The following SPAG16 variants were observed in gnomAD, a reference collection of about 807,000 sequenced individuals.
SPAG16 encodes the protein sperm associated antigen 16.
SPAG16 carries 86 observed loss-of-function variants against 80.4 expected under a neutral mutation model. That is an observed-to-expected ratio of 1.07 (90% confidence interval 0.90 to 1.28). The LOEUF (loss-of-function observed/expected upper bound fraction) is 1.28. Among genes scored for constraint, SPAG16 ranks in the 50% most tolerant of loss-of-function variants. The pLI, the probability that SPAG16 is intolerant of heterozygous loss-of-function variation, is 0.00. For synonymous variants in SPAG16, 294 were observed against 265.9 expected, an observed-to-expected ratio of 1.11 and a Z score of -1.03; for missense variants, 870 against 765.3, an observed-to-expected ratio of 1.14 and a Z score of -1.61.
chr2:214,216,655 A>G (rs138874174), intron 15 of SPAG16, among the ~76,000 whole-genome samples: 274 of 152,376 alleles, frequency 1.8e-3, no homozygotes, highest in African/African-American at 6.3e-3. Context: ...CTTGGAGCAC[A>G]GTACATTTTT....
chr2:213,544,166 C>T (rs2076540994), intron 10 of SPAG16, among the ~76,000 whole-genome samples: 2 of 151,702 alleles, frequency 1.3e-5, no homozygotes, highest in South Asian at 4.2e-4. Context: ...TATATGGTCC[C>T]ACTCTCTGAA....
chr2:214,179,820 T>A (rs2057252011), intron 15 of SPAG16, among the ~76,000 whole-genome samples: 1 of 151,556 alleles, frequency 6.6e-6, no homozygotes, highest in African/African-American at 2.4e-5. Context: ...TTAAATTTAA[T>A]TTCAAATCAT....
chr2:213,626,641 A>ATTTTTTTT (rs10582370), intron 10 of SPAG16, among the ~76,000 whole-genome samples: 6 of 98,982 alleles, frequency 6.1e-5, no homozygotes, highest in Non-Finnish European at 7.8e-5. Flanking sequence ...ATCGGGCTCA[A>ATTTTTTTT]TTTTTTTTTT....
At chr2:213,723,702 T>C (rs758993455) in intron 10 of SPAG16, among the ~76,000 whole-genome samples, 2 of 152,198 alleles carry the variant, frequency 1.3e-5, no homozygotes, top group Non-Finnish European at 2.9e-5. Flanking sequence ...CTAATAGAGA[T>C]TTTTAGGTTA....
At chr2:213,474,726 T>C (rs1474946418) in intron 9 of SPAG16, among the ~76,000 whole-genome samples, 1 of 152,180 alleles carries the variant, frequency 6.6e-6, no homozygotes, top group Non-Finnish European at 1.5e-5. Context: ...TCTGTTCCTC[T>C]AGAACCACTC....
At chr2:213,700,459 T>C (rs995281798) in intron 10 of SPAG16, among the ~76,000 whole-genome samples, 2 of 152,310 alleles carry the variant, frequency 1.3e-5, no homozygotes, top group East Asian at 1.9e-4. Context: ...ATGATGAATA[T>C]TACAATTTCT....
intron 15 of SPAG16, among the ~76,000 whole-genome samples, chr2:214,173,559 G>A (rs534812414): frequency 9.2e-5 from 14 of 152,078 alleles, no homozygotes; most frequent in Middle Eastern, 3.4e-3. Flanking sequence ...CCAATAACAG[G>A]CTCTGAAATT....
chr2:214,159,141 A>C (rs1285486042), intron 15 of SPAG16, among the ~76,000 whole-genome samples: 1 of 152,004 alleles, frequency 6.6e-6, no homozygotes, highest in Non-Finnish European at 1.5e-5. Context: ...TTACATGTAT[A>C]GGCTGGCATA....
intron 15 of SPAG16, among the ~76,000 whole-genome samples, chr2:214,213,075 G>T (rs1321312718): frequency 6.6e-6 from 1 of 152,212 alleles, no homozygotes; most frequent in Non-Finnish European, 1.5e-5. Flanking sequence ...AGACTCAGCT[G>T]CTTCTTATCC....
chr2:213,704,977 G>A (rs1177576070), intron 10 of SPAG16, among the ~76,000 whole-genome samples: 1 of 152,204 alleles, frequency 6.6e-6, no homozygotes, highest in Non-Finnish European at 1.5e-5. Context: ...AATAGGCTAG[G>A]CGCATGGGCT....
chr2:214,131,108 A>G (rs1288380138), intron 14 of SPAG16, among the ~76,000 whole-genome samples: 2 of 152,154 alleles, frequency 1.3e-5, no homozygotes, highest in Non-Finnish European at 2.9e-5. Context: ...TCAAACAAGT[A>G]AAGATCTAGT....
At chr2:214,239,379 A>G (rs1472086017) in intron 15 of SPAG16, 3 of 152,204 alleles carry the variant, frequency 2.0e-5, no homozygotes, top group African/African-American at 7.2e-5. Flanking sequence ...GTTGTACCAC[A>G]GATCTCTAGA....
intron 10 of SPAG16, among the ~76,000 whole-genome samples, chr2:213,494,830 A>C (rs2074410857): frequency 6.6e-6 from 1 of 152,084 alleles, no homozygotes; most frequent in African/African-American, 2.4e-5. Context: ...CTCCTCAATG[A>C]CACCAGTCTT....
chr2:213,427,805 T>A (rs2070033045), intron 9 of SPAG16, among the ~76,000 whole-genome samples: 1 of 152,238 alleles, frequency 6.6e-6, no homozygotes, highest in East Asian at 1.9e-4. Flanking sequence ...GAGCATCTTA[T>A]CTGCTTTATA....
At chr2:213,670,586 A>G (rs1289587292) in intron 10 of SPAG16, among the ~76,000 whole-genome samples, 1 of 152,046 alleles carries the variant, frequency 6.6e-6, no homozygotes, top group Non-Finnish European at 1.5e-5. Flanking sequence ...TTGAGTTTAA[A>G]TATTTATTAT....
Position 214,125,999 on chromosome 2 carries a change from TTTCCTTCCTTCCTTCCTTCCTTCC to T in SPAG16, c.1593+17777_1593+17800del, listed in dbSNP as rs869163622. ...GGCCTGACTTTCTTTTCCTTCCTTC[TTTCCTTCCTTCCTTCCTTCCTTCC>T]TTCCTTCCTTCCTTCCTTCCTTCCT... is the stretch of plus-strand genomic sequence containing the variant. On this transcript the variant is annotated intron_variant, in intron 14 of 15. Transcript: ENST00000331683. 6.0e-3 allele frequency among the ~76,000 whole-genome samples: 549 copies of T among 91,666 alleles called. 39 individuals carry two copies. The highest frequency in any genetic ancestry group is 7.9e-3 in the Admixed American group (57 of 7,196). 60.1% of individuals were successfully genotyped at this position (91,666 alleles called of 152,430 possible).
At chr2:213,421,174 C>T (rs114185743) in intron 9 of SPAG16, among the ~76,000 whole-genome samples, 2,213 of 152,310 alleles carry the variant, frequency 0.015, 24 homozygotes, top group South Asian at 0.038. Context: ...AGCCACCCTG[C>T]CCCCACAGGC....
chr2:213,925,078 C>G (rs1384315918), intron 11 of SPAG16, among the ~76,000 whole-genome samples: 2 of 152,054 alleles, frequency 1.3e-5, no homozygotes, highest in East Asian at 3.9e-4. Flanking sequence ...CTAAATTGAT[C>G]AAGGTTTTAC....
At chr2:213,329,551 C>T (rs539896563) in intron 5 of SPAG16, among the ~76,000 whole-genome samples, 1 of 152,232 alleles carries the variant, frequency 6.6e-6, no homozygotes, top group South Asian at 2.1e-4. Context: ...AGCATCAAAG[C>T]GTTCAAGAGG....
Sources: allele counts gnomAD v4.1 joint callset (sites outside exome capture counted in the v4.1 genomes callset), GRCh38; gene constraint gnomAD v4.1.1; transcripts MANE v1.5; gene names NCBI Gene and HGNC (gene_info 2026-07-23, HGNC 2026-07-21).